OSBPL5: variants seen among roughly 807,000 people sequenced by gnomAD.
OSBPL5 encodes the protein oxysterol-binding protein-related protein 5.
OSBPL5 carries 71 observed loss-of-function variants against 111.2 expected under a neutral mutation model. That is an observed-to-expected ratio of 0.64 (90% confidence interval 0.53 to 0.78). The LOEUF (loss-of-function observed/expected upper bound fraction) is 0.78. OSBPL5 is among the 30% of genes least tolerant of loss of function. OSBPL5 has a pLI of 0.00. For missense variants in OSBPL5, 1,210 were observed against 1,189.3 expected (o/e 1.02, Z -0.26); for synonymous variants, 549 against 513.9 (o/e 1.07, Z -0.93).
rs533916786 is a variant in OSBPL5, at chr11:3,106,348, C to T, written c.1059+915G>A. On this transcript the variant is annotated intron_variant, in intron 9 of 21. Transcript: ENST00000263650. The surrounding 1 kb of genome is among the most constrained non-coding windows in gnomAD (Gnocchi z 8.4). ...ACGGCCTTGCTCTTGTCTCGCCTCC[C>T]GGGTGAGAATGACAAGATCCCAGAT... Among the ~76,000 whole-genome samples the T allele has an allele frequency of 1.3e-5, 2 of 152,122 alleles. No individual in the cohort carries two copies. Among genetic ancestry groups the T allele is most frequent in the African/African-American group, 4.8e-5 (2 of 41,418 alleles).
chr11:3,131,768 CCCATCCAT>C (rs375306874), intron 1 of OSBPL5, among the ~76,000 whole-genome samples: 35 of 109,948 alleles, frequency 3.2e-4, no homozygotes, highest in African/African-American at 1.3e-3. Context: ...CCACCATCTT[CCCATCCAT>C]CCATCCATCC....
At chr11:3,116,957 C>T (rs554695411) in intron 7 of OSBPL5, among the ~76,000 whole-genome samples, 33 of 151,576 alleles carry the variant, frequency 2.2e-4, no homozygotes, top group African/African-American at 8.0e-4. Context: ...AAACTTTAAG[C>T]TATTTACAGC....
intron 19 of OSBPL5, 144 bp from the exon 20 acceptor site, chr11:3,090,840 G>A: frequency 9.0e-7 from 1 of 1,114,412 alleles, no homozygotes; most frequent in Non-Finnish European, 1.2e-6. Context: ...GGAGCTGGCT[G>A]GAGGGGTCTG....
At chr11:3,122,632 G>A (rs1272422018) in intron 3 of OSBPL5, among the ~76,000 whole-genome samples, 1 of 152,082 alleles carries the variant, frequency 6.6e-6, no homozygotes, top group Non-Finnish European at 1.5e-5. Context: ...GCTGACGAGA[G>A]ACCCTCCATG....
chr11:3,087,998 G>A lies in OSBPL5; in HGVS notation c.*207C>T, dbSNP rs1856928196. 2 of 462,456 alleles carry A rather than the reference G, an allele frequency of 4.3e-6. No homozygotes were observed. The highest frequency in any genetic ancestry group is 7.5e-6 in the Non-Finnish European group (2 of 265,068). 28.6% of individuals were successfully genotyped at this position (462,456 alleles called of 1,614,324 possible). The stretch of plus-strand genomic sequence containing the variant: ...CATTAAGGCCAGCGCTGGGCGGAAG[G>A]CCCTGCAGAGAGGCCAGTGCCCCTG... On this transcript the variant is annotated 3_prime_UTR_variant, in exon 22 of 22. Coordinates refer to ENST00000263650, the MANE Select transcript of OSBPL5 (RefSeq NM_020896.4).
chr11:3,120,688 T>A, intron 5 of OSBPL5, 64 bp from the exon 6 acceptor site: 1 of 1,570,600 alleles, frequency 6.4e-7, no homozygotes, highest in East Asian at 2.3e-5. Context: ...GGCATCTTGA[T>A]GGCTTGGCGG....
rs139881025 is a variant in OSBPL5, at chr11:3,093,590, C to A, written c.1883G>T (p.Arg628Leu). The A allele has an allele frequency of 1.2e-6, 2 of 1,612,540 alleles. No homozygotes were observed. The highest frequency in any genetic ancestry group is 1.1e-5 in the South Asian group (1 of 91,090). Residue 628 changes from arginine (R) to leucine (L), a missense_variant, in exon 17 of 22, where the codon CGC (arginine) becomes CTC (leucine). Transcript: ENST00000263650. ...ALFWTPSGEV[R>L]RQRLRQHTVP... ...CGTGTGCTGCCTCAGCCTCTGTCTG[C>A]GGACCTCCCCGCTCGGGGTCCAGAA...
chr11:3,139,896 G>T (rs1234064507), intron 1 of OSBPL5, among the ~76,000 whole-genome samples: 1 of 152,242 alleles, frequency 6.6e-6, no homozygotes, highest in African/African-American at 2.4e-5. Context: ...TGGTGGTGGG[G>T]TGGGGCGCTC....
chr11:3,093,670 C>A lies in OSBPL5; in HGVS notation c.1810-7G>T. ...TGATAAACACGTCCCTGTCCTGCCC[C>A]AGATGGCCAGCGGGGTCAGAGGCTG... On this transcript the variant is annotated splice_region_variant and splice_polypyrimidine_tract_variant and intron_variant, in intron 16 of 21. Transcript: ENST00000263650. The A allele has an allele frequency of 4.3e-6, 7 of 1,613,262 alleles. No individual in the cohort carries two copies. The highest frequency in any genetic ancestry group is 5.9e-6 in the Non-Finnish European group (7 of 1,179,936).
intron 11 of OSBPL5, among the ~76,000 whole-genome samples, chr11:3,102,690 T>A (rs1857499421): frequency 6.6e-6 from 1 of 152,046 alleles, no homozygotes; most frequent in African/African-American, 2.4e-5. Context: ...AGTTTCCCCA[T>A]CTGCACAATA....
chr11:3,158,416 C>T (rs770416241), intron 1 of OSBPL5, among the ~76,000 whole-genome samples: 15 of 152,288 alleles, frequency 9.8e-5, no homozygotes, highest in Non-Finnish European at 1.8e-4. Flanking sequence ...GGTGCCCACA[C>T]TGGCACCTGC....
chr11:3,147,431 G>T (rs2134530167), intron 1 of OSBPL5, among the ~76,000 whole-genome samples: 1 of 152,356 alleles, frequency 6.6e-6, no homozygotes, highest in African/African-American at 2.4e-5. Context: ...TGGTGACAAG[G>T]CCTGCTTCCA....
chr11:3,105,676 C>A lies in OSBPL5; in HGVS notation c.1060-1299G>T, dbSNP rs958050861. Among the ~76,000 whole-genome samples, 3 of 152,144 alleles carry A rather than the reference C, an allele frequency of 2.0e-5. No homozygotes were observed. The highest frequency in any genetic ancestry group is 7.2e-5 in the African/African-American group (3 of 41,432). On this transcript the variant is annotated intron_variant, in intron 9 of 21. Transcript: ENST00000263650. The surrounding 1 kb of genome is among the most constrained non-coding windows in gnomAD (Gnocchi z 5.2). ...ACCAGCTGGCTCTGAGACACCTGGG[C>A]TCCTGGATCCTCCCACCTCCCTGCC...
rs1564868267 is a variant in OSBPL5, at chr11:3,154,815, A to T, written c.-22+10401T>A. ...AAAGAGCCCCCTATATACCTAATGT[A>T]AATGACGAGTTAATGGGTGCGGCAC... On this transcript the variant is annotated intron_variant, in intron 1 of 21. Coordinates refer to ENST00000263650, the MANE Select transcript of OSBPL5 (RefSeq NM_020896.4). This position sits in a 1 kb window ranked among gnomAD's most constrained non-coding sequence, Gnocchi z 4.9. Among the ~76,000 whole-genome samples, 2 of 152,190 alleles carry T rather than the reference A, an allele frequency of 1.3e-5. No homozygotes were observed. The highest frequency in any genetic ancestry group is 2.9e-5 in the Non-Finnish European group (2 of 68,024).
chr11:3,125,653 A>C (rs1384528584), intron 3 of OSBPL5, among the ~76,000 whole-genome samples: 1 of 152,178 alleles, frequency 6.6e-6, no homozygotes, highest in Non-Finnish European at 1.5e-5. Flanking sequence ...AAATACAAAA[A>C]AATTGGCCGG....
At chr11:3,159,161 G>A (rs1846878457) in intron 1 of OSBPL5, among the ~76,000 whole-genome samples, 1 of 152,196 alleles carries the variant, frequency 6.6e-6, no homozygotes, top group Non-Finnish European at 1.5e-5. Context: ...CGCACCCTGA[G>A]GCCACAGAGA....
chr11:3,147,224 C>T (rs1030670298), intron 1 of OSBPL5, among the ~76,000 whole-genome samples: 75 of 152,194 alleles, frequency 4.9e-4, no homozygotes, highest in African/African-American at 1.7e-3. Flanking sequence ...TAGGGCTGGG[C>T]CGGGCCCACC....
At chr11:3,148,115 C>A (rs1379051528) in intron 1 of OSBPL5, among the ~76,000 whole-genome samples, 1 of 152,226 alleles carries the variant, frequency 6.6e-6, no homozygotes, top group Non-Finnish European at 1.5e-5. Flanking sequence ...GAGTAGGTGC[C>A]AGTGAATGCC....
At position 3,126,952 on chromosome 11, in the gene OSBPL5, C is replaced by T. The variant is rs373819218; in HGVS notation, c.137-397G>A. 2.6e-5 allele frequency among the ~76,000 whole-genome samples: 4 copies of T among 152,308 alleles called. No individual in the cohort carries two copies. Among genetic ancestry groups the T allele is most frequent in the East Asian group, 1.9e-4 (1 of 5,186 alleles). On this transcript the variant is annotated intron_variant, in intron 2 of 21. Coordinates refer to ENST00000263650, the MANE Select transcript of OSBPL5 (RefSeq NM_020896.4). The surrounding 1 kb of genome is among the most constrained non-coding windows in gnomAD (Gnocchi z 6.5). The stretch of plus-strand genomic sequence containing the variant: ...GTTTGGGGCCCCTGGACTGTGCATC[C>T]CCCTGGCTGGATGCTGCCGGCCCCT...
Sources: gnomAD v4.1 joint callset for allele counts (sites outside exome capture counted in the v4.1 genomes callset) on GRCh38, gnomAD v4.1.1 for gene constraint, Gnocchi (gnomAD v3.1) non-coding constraint, MANE v1.5 for transcripts, NCBI Gene and HGNC (gene_info 2026-07-23, HGNC 2026-07-21) for gene names.